The following PDE4D variants were observed in gnomAD, a reference collection of about 807,000 sequenced individuals.
PDE4D encodes the protein phosphodiesterase 4D, also known as 3',5'-cyclic-AMP phosphodiesterase 4D.
A neutral mutation model predicts 87.4 loss-of-function variants in PDE4D; 24 were observed. The observed-to-expected ratio is 0.27, with a 90% CI of 0.20 to 0.39. The LOEUF is 0.39. Among genes scored for constraint, PDE4D ranks in the 10% least tolerant of loss-of-function variants. PDE4D has a pLI of 1.00. For synonymous variants in PDE4D, 384 were observed against 383.2 expected, an observed-to-expected ratio of 1.00 and a Z score of -0.02; for missense variants, 714 against 1,041.0, an observed-to-expected ratio of 0.69 and a Z score of 4.32.
intron 2 of PDE4D, among the ~76,000 whole-genome samples, chr5:60,103,335 T>A (rs17376788): frequency 6.6e-6 from 1 of 152,118 alleles, no homozygotes; most frequent in South Asian, 2.1e-4. Context: ...ACTTCTGAAT[T>A]CAATCACAAC....
At chr5:59,737,744 T>A (rs929551239) in intron 1 of PDE4D, among the ~76,000 whole-genome samples, 2 of 152,112 alleles carry the variant, frequency 1.3e-5, no homozygotes, top group African/African-American at 4.8e-5. Flanking sequence ...TGACCCAATG[T>A]TTAAATCATT....
At chr5:59,390,432 G>A (rs1452417278) in intron 1 of PDE4D, among the ~76,000 whole-genome samples, 1 of 152,098 alleles carries the variant, frequency 6.6e-6, no homozygotes, top group Non-Finnish European at 1.5e-5. Flanking sequence ...TGTGTGAGTG[G>A]ATTGATGAAT....
intron 1 of PDE4D, among the ~76,000 whole-genome samples, chr5:59,264,809 G>T (rs1762593245): frequency 6.6e-6 from 1 of 151,984 alleles, no homozygotes; most frequent in Admixed American, 6.6e-5. Context: ...TTGCATTCTT[G>T]ACATTTCTAG....
intron 1 of PDE4D, among the ~76,000 whole-genome samples, chr5:59,789,143 A>T (rs1765504835): frequency 6.6e-6 from 1 of 152,198 alleles, no homozygotes; most frequent in Admixed American, 6.5e-5. Context: ...CGTCTCCCAA[A>T]CTGGGAAGCC....
At chr5:59,545,280 G>A (rs1817074828) in intron 1 of PDE4D, among the ~76,000 whole-genome samples, 1 of 152,128 alleles carries the variant, frequency 6.6e-6, no homozygotes, top group South Asian at 2.1e-4. Flanking sequence ...GTAGATGCAG[G>A]CCATGCAGCC....
chr5:59,322,803 C>T (rs891833343), intron 1 of PDE4D, among the ~76,000 whole-genome samples: 2 of 152,038 alleles, frequency 1.3e-5, no homozygotes, highest in African/African-American at 2.4e-5. Context: ...CACAAGGACA[C>T]GCCCTGGGAG....
At chr5:59,346,042 A>T (rs1196432487) in intron 1 of PDE4D, among the ~76,000 whole-genome samples, 1 of 152,234 alleles carries the variant, frequency 6.6e-6, no homozygotes, top group East Asian at 1.9e-4. Flanking sequence ...AATGAGAATA[A>T]AGAATGCACA....
At chr5:59,353,609 ATGGTTGGCAATCTC>A (rs1468156028) in intron 1 of PDE4D, among the ~76,000 whole-genome samples, 3 of 121,866 alleles carry the variant, frequency 2.5e-5, no homozygotes, top group Non-Finnish European at 5.7e-5. Context: ...TACTGAAAAC[ATGGTTGGCAATCTC>A]TTCTGGGCTC....
chr5:59,804,526 C>A (rs1053039893), intron 1 of PDE4D, among the ~76,000 whole-genome samples: 1 of 149,476 alleles, frequency 6.7e-6, no homozygotes, highest in Non-Finnish European at 1.5e-5. Context: ...TGGGTGAATA[C>A]CCAGTAGTGG....
At chr5:60,174,347 G>C (rs1021381924) in intron 2 of PDE4D, among the ~76,000 whole-genome samples, 3 of 152,108 alleles carry the variant, frequency 2.0e-5, no homozygotes, top group African/African-American at 7.2e-5. Context: ...TACTAGAATT[G>C]TCAAAAGAGA....
intron 1 of PDE4D, among the ~76,000 whole-genome samples, chr5:60,230,077 C>T (rs2149622324): frequency 6.6e-6 from 1 of 152,178 alleles, no homozygotes; most frequent in Admixed American, 6.6e-5. Flanking sequence ...CAAAATAGGG[C>T]AACAAGCATC....
At chr5:59,229,113 C>A (rs2153515737) in intron 1 of PDE4D, among the ~76,000 whole-genome samples, 1 of 152,172 alleles carries the variant, frequency 6.6e-6, no homozygotes, top group African/African-American at 2.4e-5. Context: ...TTACTCACCC[C>A]ATTAGAATAT....
At chr5:59,901,126 CA>C (rs762907059) in intron 3 of PDE4D, among the ~76,000 whole-genome samples, 8 of 152,136 alleles carry the variant, frequency 5.3e-5, no homozygotes, top group Non-Finnish European at 7.4e-5. Flanking sequence ...CTTATGGGGA[CA>C]ATTACTTAAC....
chr5:60,495,000 AC>A (rs1328606306), intron 1 of PDE4D, among the ~76,000 whole-genome samples: 3 of 152,116 alleles, frequency 2.0e-5, no homozygotes, highest in African/African-American at 7.2e-5. Flanking sequence ...CCTGTACCAC[AC>A]CTGTAAGTCC....
At chr5:59,033,681 T>C (rs1757994195) in intron 6 of PDE4D, among the ~76,000 whole-genome samples, 1 of 152,206 alleles carries the variant, frequency 6.6e-6, no homozygotes, top group South Asian at 2.1e-4. Flanking sequence ...AATACCAGTT[T>C]GTTTAATCTA....
At chr5:59,400,159 G>C (rs1388338795) in intron 1 of PDE4D, among the ~76,000 whole-genome samples, 1 of 101,098 alleles carries the variant, frequency 9.9e-6, no homozygotes, top group Non-Finnish European at 2.0e-5. Flanking sequence ...TTCAACCATT[G>C]TGGAAGTCAG....
At chr5:59,846,386 A>G (rs1743849271) in intron 1 of PDE4D, among the ~76,000 whole-genome samples, 1 of 152,066 alleles carries the variant, frequency 6.6e-6, no homozygotes, top group East Asian at 1.9e-4. Flanking sequence ...ATAATTCTCA[A>G]GCTTTGTTTC....
chr5:60,353,462 C>T (rs1759362136), intron 1 of PDE4D, among the ~76,000 whole-genome samples: 1 of 152,252 alleles, frequency 6.6e-6, no homozygotes, highest in South Asian at 2.1e-4. Context: ...ATCCCCATAA[C>T]CCTCTGCATG....
intron 1 of PDE4D, among the ~76,000 whole-genome samples, chr5:60,389,353 G>T (rs1011776369): frequency 6.6e-6 from 1 of 151,984 alleles, no homozygotes; most frequent in Admixed American, 6.5e-5. Flanking sequence ...TTTCGAAGGA[G>T]AGAATAAAAA....
Sources: allele counts gnomAD v4.1 joint callset (sites outside exome capture counted in the v4.1 genomes callset), GRCh38; gene constraint gnomAD v4.1.1; transcripts MANE v1.5; gene names NCBI Gene and HGNC (gene_info 2026-07-23, HGNC 2026-07-21).